Variants in CRYBG1 observed in about 807,000 individuals in gnomAD.
The protein encoded by CRYBG1 is beta/gamma crystallin domain-containing protein 1.
CRYBG1 carries 139 observed loss-of-function variants against 189.2 expected under a neutral mutation model. The ratio of observed to expected loss-of-function variants is 0.73; its 90% CI spans 0.64 to 0.85. CRYBG1 has a LOEUF of 0.85. Among genes scored for constraint, CRYBG1 ranks in the 40% least tolerant of loss-of-function variants. The pLI is 0.00. For synonymous variants in CRYBG1, 1,023 were observed against 1,017.1 expected (o/e 1.01, Z -0.11); for missense variants, 2,611 against 2,675.8 (o/e 0.98, Z 0.53).
At chr6:106,422,702 G>A (rs1004396855) in intron 1 of CRYBG1, among the ~76,000 whole-genome samples, 3 of 152,150 alleles carry the variant, frequency 2.0e-5, no homozygotes, top group African/African-American at 4.8e-5. Context: ...GACAATTCAT[G>A]TTGCATGCCT....
At position 106,519,912 on chromosome 6, in the gene CRYBG1, C is replaced by T. The variant is rs1245808723; in HGVS notation, c.2704C>T (p.Leu902=). 4 of 1,614,184 alleles carry T rather than the reference C, an allele frequency of 2.5e-6. No homozygotes were observed. The highest frequency in any genetic ancestry group is 3.4e-6 in the Non-Finnish European group (4 of 1,180,032). ...CATAAGCAGTTTCCCATGCACTGAT[C>T]TAAAAGTGTCAGAAAACCATAAAGG... ...SPISSFPCTD[L]KVSENHKGCV... The change falls in exon 4 of 22, where the codon CTA becomes TTA. Residue 902 remains leucine (L), a synonymous_variant. Transcript: ENST00000633556.
At chr6:106,405,436 A>C (rs1393852620) in intron 1 of CRYBG1, among the ~76,000 whole-genome samples, 1 of 152,150 alleles carries the variant, frequency 6.6e-6, no homozygotes, top group Admixed American at 6.5e-5. Flanking sequence ...CACTTGGGGG[A>C]AGGGGCGGCT....
At chr6:106,381,377 G>A (rs1770285339) in intron 1 of CRYBG1, among the ~76,000 whole-genome samples, 1 of 152,080 alleles carries the variant, frequency 6.6e-6, no homozygotes, top group Non-Finnish European at 1.5e-5. Context: ...TGTTACCTTA[G>A]GTAAAGCATT....
chr6:106,488,681 C>A (rs1282884958), intron 2 of CRYBG1, among the ~76,000 whole-genome samples: 1 of 152,156 alleles, frequency 6.6e-6, no homozygotes, highest in Non-Finnish European at 1.5e-5. Context: ...GGCCTGATAT[C>A]TGCTCATGGA....
intron 2 of CRYBG1, among the ~76,000 whole-genome samples, chr6:106,458,948 C>G (rs569296265): frequency 3.9e-5 from 6 of 152,280 alleles, no homozygotes; most frequent in African/African-American, 1.4e-4. Context: ...ATTCTCCAGG[C>G]TGGAGGACGT....
At chr6:106,399,305 C>T (rs1338848224) in intron 1 of CRYBG1, among the ~76,000 whole-genome samples, 2 of 152,202 alleles carry the variant, frequency 1.3e-5, no homozygotes, top group African/African-American at 4.8e-5. Context: ...TAAATTTCAA[C>T]TTTCCACCCT....
intron 2 of CRYBG1, among the ~76,000 whole-genome samples, chr6:106,503,451 C>T (rs537860348): frequency 6.6e-6 from 1 of 152,306 alleles, no homozygotes; most frequent in African/African-American, 2.4e-5. Flanking sequence ...ATAAAAGTGA[C>T]ACATTAATCA....
chr6:106,523,343 C>G (rs914315982), intron 4 of CRYBG1, among the ~76,000 whole-genome samples: 1 of 152,090 alleles, frequency 6.6e-6, no homozygotes, highest in Non-Finnish European at 1.5e-5. Context: ...AACTATTTCT[C>G]TCAAGCACAA....
At chr6:106,447,863 A>G (rs1771697171) in intron 1 of CRYBG1, among the ~76,000 whole-genome samples, 1 of 152,186 alleles carries the variant, frequency 6.6e-6, no homozygotes, top group South Asian at 2.1e-4. Flanking sequence ...ATGTCATGGA[A>G]GATCTAGAAA....
At chr6:106,552,582 CAAAAAAAAAAAAA>C (rs58470981) in intron 15 of CRYBG1, among the ~76,000 whole-genome samples, 11 of 67,622 alleles carry the variant, frequency 1.6e-4, no homozygotes, top group South Asian at 1.8e-3. Context: ...GACTCTGTCT[CAAAAAAAAAAAAA>C]AAAAAAAAAA....
At chr6:106,553,929 C>T (rs889204636) in intron 16 of CRYBG1, among the ~76,000 whole-genome samples, 3 of 152,138 alleles carry the variant, frequency 2.0e-5, no homozygotes, top group Non-Finnish European at 4.4e-5. Flanking sequence ...AGAAAGTACA[C>T]GCTGGAGTGG....
At chr6:106,382,568 C>G (rs1323173676) in intron 1 of CRYBG1, among the ~76,000 whole-genome samples, 1 of 152,064 alleles carries the variant, frequency 6.6e-6, no homozygotes, top group Non-Finnish European at 1.5e-5. Context: ...CATGGTGGCT[C>G]ATGCCTGTAA....
At chr6:106,417,469 G>A (rs1405642906) in intron 1 of CRYBG1, among the ~76,000 whole-genome samples, 1 of 152,148 alleles carries the variant, frequency 6.6e-6, no homozygotes, top group Non-Finnish European at 1.5e-5. Flanking sequence ...AAACGTGGAA[G>A]GTAGTACTCT....
At chr6:106,540,246 C>T (rs749470352) in intron 9 of CRYBG1, among the ~76,000 whole-genome samples, 5 of 152,164 alleles carry the variant, frequency 3.3e-5, no homozygotes, top group Non-Finnish European at 7.3e-5. Context: ...CAGTGTTGAG[C>T]GCAGTGTGTG....
intron 1 of CRYBG1, among the ~76,000 whole-genome samples, chr6:106,417,460 A>T (rs949021118): frequency 1.3e-5 from 2 of 152,120 alleles, no homozygotes; most frequent in African/African-American, 4.8e-5. Context: ...AAAAGAACGA[A>T]ACGTGGAAGG....
At chr6:106,394,302 T>C (rs1203759764) in intron 1 of CRYBG1, among the ~76,000 whole-genome samples, 1 of 152,238 alleles carries the variant, frequency 6.6e-6, no homozygotes, top group East Asian at 1.9e-4. Context: ...CTACCTTTCT[T>C]ATGATACATA....
At chr6:106,493,769 G>A (rs1181559) in intron 2 of CRYBG1, among the ~76,000 whole-genome samples, 114,907 of 152,034 alleles carry the variant, frequency 0.76, 43,700 homozygotes, top group African/African-American at 0.81. Context: ...ACATGGACAC[G>A]TGGTGGGGGA....
chr6:106,558,748 A>G (rs1445145162), intron 18 of CRYBG1, 123 bp downstream of exon 18: 19 of 744,566 alleles, frequency 2.6e-5, no homozygotes, highest in Non-Finnish European at 1.8e-5. Context: ...GGATCATTTG[A>G]ATCCAGGGAT....
At chr6:106,375,401 GTAAGTAAGTA>G (rs1770133804) in intron 1 of CRYBG1, among the ~76,000 whole-genome samples, 7 of 133,888 alleles carry the variant, frequency 5.2e-5, no homozygotes, top group South Asian at 2.3e-4. Flanking sequence ...AAGTAAGTAA[GTAAGTAAGTA>G]AGTAAGTAAG....
Sources: allele counts gnomAD v4.1 joint callset (sites outside exome capture counted in the v4.1 genomes callset), GRCh38; gene constraint gnomAD v4.1.1; transcripts MANE v1.5; gene names NCBI Gene and HGNC (gene_info 2026-07-23, HGNC 2026-07-21).